Variants in RBMS3 observed in about 807,000 individuals in gnomAD.
The protein encoded by RBMS3 is RNA-binding motif, single-stranded-interacting protein 3.
RBMS3 carries 27 observed loss-of-function variants against 66.8 expected under a neutral mutation model. That is an observed-to-expected ratio of 0.40 (90% confidence interval 0.30 to 0.56). The LOEUF (loss-of-function observed/expected upper bound fraction) is 0.56. RBMS3 is among the 20% of genes least tolerant of loss of function. The probability of loss-of-function intolerance (pLI) is 0.40; values close to 1 mark genes in which losing one functional copy is unlikely to be tolerated. For missense variants in RBMS3, 513 were observed against 549.5 expected (o/e 0.93, Z 0.66); for synonymous variants, 188 against 183.0 (o/e 1.03, Z -0.22).
chr3:29,333,375 C>A (rs2035773546), intron 1 of RBMS3, among the ~76,000 whole-genome samples: 1 of 152,086 alleles, frequency 6.6e-6, no homozygotes. Flanking sequence ...TATAATGTAG[C>A]ATCAGCACGT....
At chr3:29,714,564 T>C (rs546058314) in intron 4 of RBMS3, among the ~76,000 whole-genome samples, 1 of 152,282 alleles carries the variant, frequency 6.6e-6, no homozygotes, top group African/African-American at 2.4e-5. Flanking sequence ...CATAACCTTG[T>C]AGGGATCACA....
In RBMS3 at chr3:29,735,502, T is replaced by C. The variant is rs532000619; in HGVS notation, c.400-4218T>C. On this transcript the variant is annotated intron_variant, in intron 4 of 14. Coordinates refer to ENST00000383767, the MANE Select transcript of RBMS3 (RefSeq NM_001003793.3). Reference sequence around the variant, plus strand: ...TTACTTATAGTGACATGGACAGTTATATGTAATAGATGTATGAATTGTAGT... The same window carrying C: ...TTACTTATAGTGACATGGACAGTTACATGTAATAGATGTATGAATTGTAGT... 6.6e-5 allele frequency among the ~76,000 whole-genome samples: 10 copies of C among 152,314 alleles called. No homozygotes were observed. The South Asian group carries it at 2.1e-3, about 32-fold the overall frequency.
chr3:29,294,138 G>GTTT (rs1398941452), intron 1 of RBMS3, among the ~76,000 whole-genome samples: 2 of 151,768 alleles, frequency 1.3e-5, no homozygotes, highest in Non-Finnish European at 2.9e-5. Context: ...ATAAGAAAAG[G>GTTT]TTTTCAGAAG....
Position 29,600,426 on chromosome 3 carries a change from T to C in RBMS3, c.399+13221T>C, listed in dbSNP as rs181845543. ...TTTGACCTTCTCTCTTGCCGTGTTA[T>C]CTTTGCACAGTCTGGCTTCCCTTTG... On this transcript the variant is annotated intron_variant, in intron 4 of 14. Transcript: ENST00000383767. Among the ~76,000 whole-genome samples, 87 of 152,172 alleles carry C rather than the reference T, an allele frequency of 5.7e-4. 1 individual carries two copies. The South Asian group carries it at 0.017, about 30-fold the overall frequency.
intron 1 of RBMS3, among the ~76,000 whole-genome samples, chr3:29,394,893 T>C (rs1242590476): frequency 6.6e-6 from 1 of 152,146 alleles, no homozygotes; most frequent in Non-Finnish European, 1.5e-5. Flanking sequence ...CCACTCCGCA[T>C]TCCACCTGTT....
intron 6 of RBMS3, among the ~76,000 whole-genome samples, chr3:29,770,178 G>A (rs989908702): frequency 5.9e-5 from 9 of 151,820 alleles, no homozygotes; most frequent in Non-Finnish European, 1.3e-4. Context: ...AGCTAGTTAA[G>A]CACAATGATT....
chr3:29,388,351 C>T (rs1340923530), intron 1 of RBMS3, among the ~76,000 whole-genome samples: 2 of 152,060 alleles, frequency 1.3e-5, no homozygotes, highest in South Asian at 2.1e-4. Flanking sequence ...TAGAAGAGTC[C>T]GTGATATATA....
At chr3:29,564,816 C>T (rs768872954) in intron 3 of RBMS3, among the ~76,000 whole-genome samples, 1 of 151,974 alleles carries the variant, frequency 6.6e-6, no homozygotes, top group Non-Finnish European at 1.5e-5. Flanking sequence ...TCAGCTTAGG[C>T]AGGTCAGTTT....
chr3:29,899,785 A>G, intron 10 of RBMS3, 30 bp downstream of exon 10: 2 of 1,598,866 alleles, frequency 1.3e-6, no homozygotes, highest in Non-Finnish European at 1.7e-6. Flanking sequence ...TGAGGCTAAT[A>G]TTTCTATTAT....
chr3:29,769,071 T>A (rs2149391841), intron 6 of RBMS3, among the ~76,000 whole-genome samples: 1 of 152,058 alleles, frequency 6.6e-6, no homozygotes, highest in African/African-American at 2.4e-5. Flanking sequence ...TTTTTATGAC[T>A]TTTTGTTTTT....
chr3:29,578,787 C>CTTTTTTTTTT (rs2047215086), intron 3 of RBMS3, among the ~76,000 whole-genome samples: 1 of 119,272 alleles, frequency 8.4e-6, no homozygotes, highest in African/African-American at 3.8e-5. Flanking sequence ...GTAATACATG[C>CTTTTTTTTTT]TTCTTTTTTT....
At chr3:29,975,921 A>G (rs1036244654) in intron 12 of RBMS3, among the ~76,000 whole-genome samples, 2 of 151,974 alleles carry the variant, frequency 1.3e-5, no homozygotes, top group Non-Finnish European at 2.9e-5. Context: ...AGGAAAATTT[A>G]CACTTTAAGA....
At chr3:29,611,961 C>T (rs1342869643) in intron 4 of RBMS3, among the ~76,000 whole-genome samples, 1 of 151,938 alleles carries the variant, frequency 6.6e-6, no homozygotes, top group Non-Finnish European at 1.5e-5. Context: ...GTTATGAATG[C>T]AAGGCCTACA....
chr3:29,492,501 G>T (rs1206003536), intron 3 of RBMS3, among the ~76,000 whole-genome samples: 1 of 152,304 alleles, frequency 6.6e-6, no homozygotes, highest in Non-Finnish European at 1.5e-5. Context: ...AACAGGAGTT[G>T]TATTAGAAAA....
chr3:29,888,023 C>T (rs187141268), intron 8 of RBMS3, among the ~76,000 whole-genome samples: 6 of 151,836 alleles, frequency 4.0e-5, no homozygotes, highest in Admixed American at 1.3e-4. Flanking sequence ...TTCTCAAAAT[C>T]TCCACCTCAT....
At chr3:29,438,709 T>C (rs1165998613) in intron 2 of RBMS3, among the ~76,000 whole-genome samples, 1 of 152,224 alleles carries the variant, frequency 6.6e-6, no homozygotes, top group Non-Finnish European at 1.5e-5. Flanking sequence ...TGTCTTTTTC[T>C]TGAGACACCT....
At chr3:29,483,735 T>G (rs1394931781) in intron 2 of RBMS3, among the ~76,000 whole-genome samples, 1 of 152,238 alleles carries the variant, frequency 6.6e-6, no homozygotes, top group Admixed American at 6.5e-5. Flanking sequence ...CAATTGTTTT[T>G]CTAATCTCTA....
chr3:29,842,974 C>T (rs1030591290), intron 6 of RBMS3, among the ~76,000 whole-genome samples: 1 of 152,154 alleles, frequency 6.6e-6, no homozygotes, highest in African/African-American at 2.4e-5. Context: ...ATTTGTATTG[C>T]TTTAAGCCAC....
chr3:29,362,067 C>T (rs542784832), intron 1 of RBMS3, among the ~76,000 whole-genome samples: 1 of 152,346 alleles, frequency 6.6e-6, no homozygotes, highest in East Asian at 1.9e-4. Flanking sequence ...CATTCTCCGT[C>T]CAGCTTTGTT....
Sources: allele counts gnomAD v4.1 joint callset (sites outside exome capture counted in the v4.1 genomes callset), GRCh38; gene constraint gnomAD v4.1.1; transcripts MANE v1.5; gene names NCBI Gene and HGNC (gene_info 2026-07-23, HGNC 2026-07-21).